The following PDE11A variants were observed in gnomAD, a reference collection of about 807,000 sequenced individuals.
PDE11A encodes phosphodiesterase 11A.
A neutral mutation model predicts 100.5 loss-of-function variants in PDE11A; 100 were observed. The ratio of observed to expected loss-of-function variants is 1.00; its 90% CI spans 0.85 to 1.18. The LOEUF (loss-of-function observed/expected upper bound fraction) is 1.18, where lower values mean the gene tolerates loss of function less well. PDE11A is among the 50% of genes most tolerant of loss of function. The probability of loss-of-function intolerance (pLI) is 0.00; values close to 1 mark genes in which losing one functional copy is unlikely to be tolerated. For missense variants in PDE11A, 1,141 were observed against 1,152.6 expected (o/e 0.99, Z 0.15); for synonymous variants, 381 against 420.8 (o/e 0.91, Z 1.16).
chr2:178,010,159 C>G (rs1456081073), intron 2 of PDE11A, among the ~76,000 whole-genome samples: 1 of 152,186 alleles, frequency 6.6e-6, no homozygotes, highest in Non-Finnish European at 1.5e-5. Flanking sequence ...AAAGATGCAG[C>G]CACTTGCTGA....
chr2:178,104,371 A>G, exon 2 of PDE11A: 1 of 1,614,096 alleles, frequency 6.2e-7, no homozygotes, highest in Non-Finnish European at 8.5e-7. Context: ...AAGAGGCCCC[A>G]GAGATTTGGA....
intron 2 of PDE11A, among the ~76,000 whole-genome samples, chr2:177,914,296 TAATC>T (rs1447560684): frequency 2.0e-5 from 3 of 152,174 alleles, no homozygotes; most frequent in Non-Finnish European, 4.4e-5. Context: ...TCTTACTTGA[TAATC>T]AAACAGTAAT....
At chr2:177,983,923 T>G (rs1242910001) in intron 2 of PDE11A, among the ~76,000 whole-genome samples, 2 of 152,160 alleles carry the variant, frequency 1.3e-5, no homozygotes, top group Non-Finnish European at 2.9e-5. Flanking sequence ...TGAAGGTGAT[T>G]GGAAGCTCTT....
At chr2:177,881,380 T>G (rs867913323) in intron 4 of PDE11A, among the ~76,000 whole-genome samples, 1 of 149,284 alleles carries the variant, frequency 6.7e-6, no homozygotes, top group African/African-American at 2.5e-5. Flanking sequence ...TCTATCTATC[T>G]ATCTATCCAT....
In PDE11A at chr2:177,629,320, A is replaced by T; in HGVS notation, c.*87T>A. On this transcript the variant is annotated 3_prime_UTR_variant, in exon 20 of 20. Coordinates refer to ENST00000286063, the MANE Select transcript of PDE11A (RefSeq NM_016953.4). Reference sequence around the variant, plus strand: ...ATCCTTGAGATGTTAGGTCTTTCTGAGCTAAAAGAACAAAAGGATGACATT... The same window carrying T: ...ATCCTTGAGATGTTAGGTCTTTCTGTGCTAAAAGAACAAAAGGATGACATT... The T allele has an allele frequency of 8.4e-7, 1 of 1,186,456 alleles. No individual in the cohort carries two copies. The highest frequency in any genetic ancestry group is 1.3e-6 in the Non-Finnish European group (1 of 791,070). 73.5% of individuals were successfully genotyped at this position (1,186,456 alleles called of 1,614,324 possible).
chr2:177,667,230 A>G (rs765368429), intron 18 of PDE11A, among the ~76,000 whole-genome samples: 9 of 152,090 alleles, frequency 5.9e-5, no homozygotes, highest in Non-Finnish European at 1.2e-4. Context: ...TTTAATTTTA[A>G]TGAAGCTCAA....
intron 19 of PDE11A, among the ~76,000 whole-genome samples, chr2:177,659,085 C>T (rs1428777124): frequency 6.6e-6 from 1 of 151,722 alleles, no homozygotes; most frequent in African/African-American, 2.4e-5. Flanking sequence ...ATGGTGAAAC[C>T]CCATCTCTAC....
chr2:177,969,800 G>A (rs897525870), intron 2 of PDE11A, among the ~76,000 whole-genome samples: 6 of 151,852 alleles, frequency 4.0e-5, no homozygotes, highest in African/African-American at 7.3e-5. Context: ...ACATATAACC[G>A]TGAAGACTAG....
intron 2 of PDE11A, among the ~76,000 whole-genome samples, chr2:177,988,642 A>G (rs886170185): frequency 2.0e-5 from 3 of 152,186 alleles, no homozygotes; most frequent in African/African-American, 7.2e-5. Flanking sequence ...ACTGGGCTCT[A>G]TAAATTACGT....
At chr2:177,776,804 T>C (rs62183043) in intron 9 of PDE11A, among the ~76,000 whole-genome samples, 13,475 of 152,120 alleles carry the variant, frequency 0.089, 630 homozygotes, top group Middle Eastern at 0.16. Flanking sequence ...CCTGAACATG[T>C]TGGCATCCTG....
chr2:177,689,256 A>G (rs2081004918), intron 15 of PDE11A, among the ~76,000 whole-genome samples: 1 of 151,974 alleles, frequency 6.6e-6, no homozygotes, highest in Non-Finnish European at 1.5e-5. Flanking sequence ...CTAATTTTGT[A>G]TTTTTAGTAG....
intron 1 of PDE11A, among the ~76,000 whole-genome samples, chr2:178,016,645 A>G (rs1574343645): frequency 6.6e-6 from 1 of 152,272 alleles, no homozygotes; most frequent in Admixed American, 6.5e-5. Flanking sequence ...TTTTATAGGG[A>G]TCAAGGAAGT....
At chr2:178,057,107 T>C (rs2086909282) in intron 1 of PDE11A, among the ~76,000 whole-genome samples, 1 of 152,178 alleles carries the variant, frequency 6.6e-6, no homozygotes, top group Non-Finnish European at 1.5e-5. Flanking sequence ...GATAGATAAA[T>C]GCATTTAACT....
In PDE11A at chr2:177,840,250, C is replaced by T; in HGVS notation, c.1500+1G>A. ...ATTGCAACCAGAGGGGCTCCTCTTACCTCTGCATCAAAGCGCGGATCCTGG... is the reference window on the plus strand; with the variant it reads ...ATTGCAACCAGAGGGGCTCCTCTTATCTCTGCATCAAAGCGCGGATCCTGG... On this transcript the variant is annotated splice_donor_variant, in intron 6 of 19. Transcript: ENST00000286063. LOFTEE classifies it high-confidence loss of function. 6.2e-7 allele frequency: 1 copy of T among 1,614,108 alleles called. No individual in the cohort carries two copies. Among genetic ancestry groups the T allele is most frequent in the Middle Eastern group, 1.6e-4 (1 of 6,062 alleles).
Position 177,817,879 on chromosome 2 carries a change from A to G in PDE11A, c.1623T>C (p.Asp541=), listed in dbSNP as rs749254019. The change falls in exon 8 of 20, where the codon GAT becomes GAC. Residue 541 remains aspartate (D), a synonymous_variant. Coordinates refer to ENST00000286063, the MANE Select transcript of PDE11A (RefSeq NM_016953.4). ...TTACCTCAAAAAGTCGTTGATCTGC[A>G]TCATCAAAAGGTTTCCCATCAAGTC... The part of the protein sequence containing the change: ...LNRLDGKPFD[D]ADQRLFEAFV... 6.5e-7 allele frequency: 1 copy of G among 1,537,042 alleles called. No individual in the cohort carries two copies. Among genetic ancestry groups the G allele is most frequent in the South Asian group, 1.1e-5 (1 of 89,462 alleles).
intron 5 of PDE11A, among the ~76,000 whole-genome samples, chr2:177,847,095 T>A (rs1216669232): frequency 1.3e-5 from 2 of 152,184 alleles, no homozygotes; most frequent in Non-Finnish European, 2.9e-5. Context: ...ACTCCTCTTG[T>A]GGCATGCCTT....
At chr2:177,800,973 C>A (rs1265235327) in intron 9 of PDE11A, among the ~76,000 whole-genome samples, 1 of 152,180 alleles carries the variant, frequency 6.6e-6, no homozygotes, top group Non-Finnish European at 1.5e-5. Flanking sequence ...CCCTAAAAAC[C>A]CAGAGAGAAT....
intron 10 of PDE11A, among the ~76,000 whole-genome samples, chr2:177,758,402 G>A (rs2082123085): frequency 6.6e-6 from 1 of 151,628 alleles, no homozygotes. Context: ...GACTATAGAT[G>A]TTCTGATATC....
Position 178,014,399 on chromosome 2 carries a change from C to A in PDE11A, c.974G>T (p.Cys325Phe). Reference sequence around the variant, plus strand: ...ACCATCACTGCTTCGGATAGGCATGCACAATAATGATTTTGTCTTGTATCC... The same window carrying A: ...ACCATCACTGCTTCGGATAGGCATGAACAATAATGATTTTGTCTTGTATCC... Reference protein sequence around the residue: ...LTGYKTKSLLCMPIRSSDGEI... With the variant: ...LTGYKTKSLLFMPIRSSDGEI... The change falls in exon 2 of 20, where the codon TGC becomes TTC. Residue 325 changes from cysteine to phenylalanine, a missense_variant. Transcript: ENST00000286063. 1 of 1,611,838 alleles carries A rather than the reference C, an allele frequency of 6.2e-7. No homozygotes were observed. The highest frequency in any genetic ancestry group is 8.5e-7 in the Non-Finnish European group (1 of 1,177,962).
Sources: gnomAD v4.1 joint callset for allele counts (sites outside exome capture counted in the v4.1 genomes callset) on GRCh38, gnomAD v4.1.1 for gene constraint, MANE v1.5 for transcripts, NCBI Gene and HGNC (gene_info 2026-07-23, HGNC 2026-07-21) for gene names.